KCNQ1: variants seen among roughly 807,000 people sequenced by gnomAD.
KCNQ1 encodes potassium voltage-gated channel subfamily KQT member 1.
In KCNQ1, 49 loss-of-function variants were observed where a neutral mutation model predicts 72.4. That is an observed-to-expected ratio of 0.68 (90% CI 0.54 to 0.86). The LOEUF (loss-of-function observed/expected upper bound fraction) is 0.86, where lower values mean the gene tolerates loss of function less well. Ranked by LOEUF, KCNQ1 falls within the 40% of genes least tolerant of loss-of-function variation. The pLI, the probability that KCNQ1 is intolerant of heterozygous loss-of-function variation, is 0.00. For synonymous variants in KCNQ1, 450 were observed against 412.6 expected, an observed-to-expected ratio of 1.09 and a Z score of -1.10; for missense variants, 790 against 945.1, an observed-to-expected ratio of 0.84 and a Z score of 2.15.
In KCNQ1 at chr11:2,642,269, T is replaced by G; in HGVS notation, c.1394-19692T>G. ...CCATGAGAATGGGATGTTTTTTGTGTGTTCTTTTCAATTTCTTTCATCAGA... is the reference window on the plus strand; with the variant it reads ...CCATGAGAATGGGATGTTTTTTGTGGGTTCTTTTCAATTTCTTTCATCAGA... On this transcript the variant is annotated intron_variant, in intron 10 of 15. Transcript: ENST00000155840. The surrounding 1 kb of genome is among the most constrained non-coding windows in gnomAD (Gnocchi z 4.3). 1 of 398,434 alleles carries G rather than the reference T, an allele frequency of 2.5e-6. No homozygotes were observed. Among genetic ancestry groups the G allele is most frequent in the Non-Finnish European group, 4.4e-6 (1 of 225,946 alleles). The allele number at this position is 398,434 out of a possible 1,614,324, so 24.7% of individuals were successfully genotyped here. A position where few individuals can be genotyped will look rare whatever the true frequency, so the allele number is the denominator to read the frequency against.
intron 11 of KCNQ1, chr11:2,688,858 G>A: frequency 2.5e-6 from 1 of 399,158 alleles, no homozygotes; most frequent in Non-Finnish European, 4.4e-6. Context: ...AGAGGGCTGG[G>A]CCAGAGGTCA....
intron 11 of KCNQ1, among the ~76,000 whole-genome samples, chr11:2,765,885 T>C (rs951052803): frequency 5.3e-5 from 8 of 152,218 alleles, no homozygotes; most frequent in Non-Finnish European, 1.0e-4. Flanking sequence ...AATCTTGATC[T>C]TTTAATTAGA....
chr11:2,461,425 G>A (rs776147204), intron 1 of KCNQ1: 49 of 1,280,364 alleles, frequency 3.8e-5, no homozygotes, highest in East Asian at 2.8e-4. Context: ...CGGCCGGGGC[G>A]GGGGTGGCCC....
At chr11:2,743,574 C>A (rs546186275) in intron 11 of KCNQ1, among the ~76,000 whole-genome samples, 14 of 152,218 alleles carry the variant, frequency 9.2e-5, no homozygotes, top group Non-Finnish European at 1.6e-4. Context: ...CGAATCCCTA[C>A]GCCAGTCCCT....
chr11:2,790,103 C>T (rs1408713937), intron 15 of KCNQ1, among the ~76,000 whole-genome samples: 2 of 152,218 alleles, frequency 1.3e-5, no homozygotes, highest in Non-Finnish European at 2.9e-5. Context: ...ATCCCAATGA[C>T]CCTCTGCCAT....
chr11:2,738,193 C>T (rs987356113), intron 11 of KCNQ1, among the ~76,000 whole-genome samples: 7 of 128,096 alleles, frequency 5.5e-5, no homozygotes, highest in South Asian at 2.6e-4. Context: ...GCCCCTGGCT[C>T]GGTGGGGGTG....
rs898553061 is a variant in KCNQ1 at position 2,479,661 on chromosome 11, C to T, written c.386+34177C>T. Among the ~76,000 whole-genome samples, 1 of 152,242 alleles carries T rather than the reference C, an allele frequency of 6.6e-6. No homozygotes were observed. The highest frequency in any genetic ancestry group is 2.4e-5 in the African/African-American group (1 of 41,464). ...TCTGGGCCTGGGATGGGAGGGGCTG[C>T]TCCTAAGGTCTCTGACATGCCCTGG... On this transcript the variant is annotated intron_variant, in intron 1 of 15. Coordinates refer to ENST00000155840, the MANE Select transcript of KCNQ1 (RefSeq NM_000218.3). This position sits in a 1 kb window ranked among gnomAD's most constrained non-coding sequence, Gnocchi z 4.6.
At chr11:2,747,473 G>C (rs769413095) in intron 11 of KCNQ1, among the ~76,000 whole-genome samples, 62 of 152,328 alleles carry the variant, frequency 4.1e-4, no homozygotes, top group Admixed American at 1.2e-3. Context: ...GCCGGTGCTT[G>C]GTCCCTGCTG....
intron 11 of KCNQ1, among the ~76,000 whole-genome samples, chr11:2,741,424 C>A (rs988040327): frequency 2.0e-5 from 3 of 152,154 alleles, no homozygotes; most frequent in African/African-American, 7.2e-5. Flanking sequence ...GCCCTGTGTG[C>A]CCCCTCGGGG....
chr11:2,566,853 C>T lies in KCNQ1; in HGVS notation c.478-3775C>T, dbSNP rs996620572. Among the ~76,000 whole-genome samples the T allele has an allele frequency of 2.0e-4, 31 of 151,996 alleles. No individual in the cohort carries two copies. Among genetic ancestry groups the T allele is most frequent in the African/African-American group, 7.0e-4 (29 of 41,420 alleles). ...CCCTCAGAGAAGGCCCTGGGGCTGG[C>T]CTTGTTATCAGTGGGGGAGTCAGGA... On this transcript the variant is annotated intron_variant, in intron 2 of 15. Coordinates refer to ENST00000155840, the MANE Select transcript of KCNQ1 (RefSeq NM_000218.3). This position sits in a 1 kb window ranked among gnomAD's most constrained non-coding sequence, Gnocchi z 6.7.
At chr11:2,838,218 G>A (rs550993563) in intron 15 of KCNQ1, among the ~76,000 whole-genome samples, 3 of 152,378 alleles carry the variant, frequency 2.0e-5, no homozygotes, top group Admixed American at 6.5e-5. Flanking sequence ...GACCTCACGT[G>A]GCTCACAGCC....
intron 11 of KCNQ1, among the ~76,000 whole-genome samples, chr11:2,716,695 T>A (rs1238868217): frequency 1.3e-5 from 2 of 152,194 alleles, no homozygotes; most frequent in Non-Finnish European, 2.9e-5. Context: ...GATTCCCCAC[T>A]ACGGAAGGCA....
intron 11 of KCNQ1, chr11:2,684,390 T>C (rs1850449372): frequency 7.5e-6 from 3 of 398,458 alleles, no homozygotes; most frequent in East Asian, 3.6e-5. Flanking sequence ...TCCAGTGGGG[T>C]CCATCCCCCT....
Position 2,535,900 on chromosome 11 carries a change from T to G in KCNQ1, c.477+7882T>G, listed in dbSNP as rs747887652. ...CAGTGCTTGTGATGGGCACCCTGCC[T>G]CCAGTGTTCTGCTTCAGGGTGTGGG... On this transcript the variant is annotated intron_variant, in intron 2 of 15. Transcript: ENST00000155840. Among the ~76,000 whole-genome samples the G allele has an allele frequency of 6.2e-4, 95 of 152,290 alleles. 1 individual carries two copies. Among genetic ancestry groups the G allele is most frequent in the Non-Finnish European group, 3.1e-4 (21 of 68,016 alleles).
intron 7 of KCNQ1, among the ~76,000 whole-genome samples, chr11:2,584,535 TA>T (rs1206788691): frequency 3.2e-5 from 4 of 126,482 alleles, no homozygotes; most frequent in Admixed American, 1.6e-4. Context: ...GTGTGTGTGT[TA>T]GTATGTGTTT....
At chr11:2,449,721 T>C (rs937190531) in intron 1 of KCNQ1, among the ~76,000 whole-genome samples, 2 of 151,336 alleles carry the variant, frequency 1.3e-5, no homozygotes, top group Admixed American at 1.3e-4. Context: ...GTGACAGGGG[T>C]TGCCAGGCAA....
At chr11:2,625,192 C>G in intron 10 of KCNQ1, 1 of 398,636 alleles carries the variant, frequency 2.5e-6, no homozygotes, top group Non-Finnish European at 4.4e-6. Context: ...TGCATTCCCA[C>G]TAACAGTGCA....
chr11:2,541,363 G>T lies in KCNQ1; in HGVS notation c.477+13345G>T, dbSNP rs535649421. Among the ~76,000 whole-genome samples, 1 of 152,188 alleles carries T rather than the reference G, an allele frequency of 6.6e-6. No individual in the cohort carries two copies. Among genetic ancestry groups the T allele is most frequent in the African/African-American group, 2.4e-5 (1 of 41,444 alleles). On this transcript the variant is annotated intron_variant, in intron 2 of 15. Transcript: ENST00000155840. The surrounding 1 kb of genome is among the most constrained non-coding windows in gnomAD (Gnocchi z 4.8). ...TGGGGAACCTGGGGGAAGGGCGGGC[G>T]TCTTTATTTCATTTTAGCTTTCTTT... is the stretch of plus-strand genomic sequence containing the variant.
chr11:2,719,496 CAAACAAAA>C (rs1851166995), intron 11 of KCNQ1, among the ~76,000 whole-genome samples: 1 of 147,446 alleles, frequency 6.8e-6, no homozygotes, highest in African/African-American at 2.5e-5. Context: ...AACAAACAAA[CAAACAAAA>C]AAAAAAACCA....
Sources: gnomAD v4.1 joint callset for allele counts (sites outside exome capture counted in the v4.1 genomes callset) on GRCh38, gnomAD v4.1.1 for gene constraint, Gnocchi (gnomAD v3.1) non-coding constraint, MANE v1.5 for transcripts, NCBI Gene and HGNC (gene_info 2026-07-23, HGNC 2026-07-21) for gene names.